GABRB1: variants seen among roughly 807,000 people sequenced by gnomAD.
GABRB1 encodes gamma-aminobutyric acid receptor subunit beta-1.
Under a neutral mutation model 51.6 loss-of-function variants are expected in GABRB1, and 17 were observed. The ratio of observed to expected loss-of-function variants is 0.33; its 90% CI spans 0.23 to 0.49. GABRB1 has a LOEUF of 0.49. GABRB1 is among the 20% of genes least tolerant of loss of function. The pLI is 0.99. For synonymous variants in GABRB1, 247 were observed against 218.9 expected (o/e 1.13, Z -1.14); for missense variants, 410 against 600.6 (o/e 0.68, Z 3.32).
At chr4:47,068,490 T>C (rs1324440639) in intron 3 of GABRB1, among the ~76,000 whole-genome samples, 1 of 152,334 alleles carries the variant, frequency 6.6e-6, no homozygotes, top group East Asian at 1.9e-4. Context: ...TTCAACTCTT[T>C]CTTTTACTTG....
intron 5 of GABRB1, among the ~76,000 whole-genome samples, chr4:47,367,415 T>G (rs1301703716): frequency 6.6e-6 from 1 of 152,222 alleles, no homozygotes; most frequent in East Asian, 1.9e-4. Flanking sequence ...TCAAAGCTTA[T>G]TCTATCCTCC....
chr4:47,164,373 T>A (rs553553697), intron 4 of GABRB1, among the ~76,000 whole-genome samples: 106 of 152,228 alleles, frequency 7.0e-4, no homozygotes, highest in African/African-American at 2.3e-3. Flanking sequence ...TTTTAAAGAA[T>A]ATCTGTTGTC....
intron 3 of GABRB1, among the ~76,000 whole-genome samples, chr4:47,038,755 A>T (rs1234351886): frequency 6.6e-6 from 1 of 152,234 alleles, no homozygotes; most frequent in Non-Finnish European, 1.5e-5. Flanking sequence ...GAAATCTTGC[A>T]TTATCAAGGA....
At chr4:47,172,136 G>A (rs1560570200) in intron 4 of GABRB1, among the ~76,000 whole-genome samples, 1 of 152,064 alleles carries the variant, frequency 6.6e-6, no homozygotes, top group African/African-American at 2.4e-5. Context: ...GGATTACGCA[G>A]CATCCCATCA....
chr4:47,054,122 G>A (rs1458499956), intron 3 of GABRB1, among the ~76,000 whole-genome samples: 1 of 149,050 alleles, frequency 6.7e-6, no homozygotes, highest in Non-Finnish European at 1.5e-5. Context: ...CATATTTTAA[G>A]AAGATGTAAG....
chr4:47,121,060 C>T (rs1397850416), intron 3 of GABRB1, among the ~76,000 whole-genome samples: 9 of 152,114 alleles, frequency 5.9e-5, no homozygotes, highest in Non-Finnish European at 1.3e-4. Flanking sequence ...GTAACTTAGA[C>T]TACCATTCAA....
chr4:47,378,332 C>G (rs893913283), intron 5 of GABRB1, among the ~76,000 whole-genome samples: 2 of 152,312 alleles, frequency 1.3e-5, no homozygotes, highest in East Asian at 1.9e-4. Flanking sequence ...CCGGCAGGGC[C>G]GGCCGGCCGC....
intron 3 of GABRB1, among the ~76,000 whole-genome samples, chr4:47,120,123 G>A (rs1339739902): frequency 6.6e-6 from 1 of 152,024 alleles, no homozygotes; most frequent in East Asian, 1.9e-4. Flanking sequence ...AGACAAAAAA[G>A]TTAATTATAT....
At chr4:47,415,303 C>T (rs1278371608) in intron 8 of GABRB1, among the ~76,000 whole-genome samples, 1 of 152,134 alleles carries the variant, frequency 6.6e-6, no homozygotes, top group East Asian at 1.9e-4. Context: ...TTCCAGGTGT[C>T]CAAACAATTT....
In GABRB1 at chr4:47,321,999, A is replaced by G. The variant is rs537651686; in HGVS notation, c.544+1790A>G. The stretch of plus-strand genomic sequence containing the variant: ...TACTGAGTTTTTCTATTATAGGTTG[A>G]TATTTTTCTTTAAGTTTGAAGATTT... On this transcript the variant is annotated intron_variant, in intron 5 of 8. Coordinates refer to ENST00000295454, the MANE Select transcript of GABRB1 (RefSeq NM_000812.4). Among the ~76,000 whole-genome samples the G allele has an allele frequency of 7.9e-5, 12 of 152,320 alleles. No homozygotes were observed. The South Asian group carries it at 2.5e-3, about 32-fold the overall frequency.
intron 3 of GABRB1, among the ~76,000 whole-genome samples, chr4:47,047,827 T>C (rs868026662): frequency 1.1e-4 from 16 of 152,234 alleles, no homozygotes; most frequent in Middle Eastern, 3.4e-3. Context: ...GAAGAGATAA[T>C]GGATTTGTCC....
At chr4:47,295,271 G>A (rs974192464) in intron 4 of GABRB1, among the ~76,000 whole-genome samples, 75 of 152,220 alleles carry the variant, frequency 4.9e-4, no homozygotes, top group African/African-American at 1.6e-3. Context: ...TGACTTTGAC[G>A]AGTTGAGAGG....
chr4:47,262,461 C>T (rs1337050514), intron 4 of GABRB1, among the ~76,000 whole-genome samples: 2 of 152,108 alleles, frequency 1.3e-5, no homozygotes, highest in Non-Finnish European at 2.9e-5. Context: ...CATCACTGGC[C>T]ATCAGAGAAA....
chr4:47,292,180 C>T (rs1295873972), intron 4 of GABRB1, among the ~76,000 whole-genome samples: 3 of 152,100 alleles, frequency 2.0e-5, no homozygotes, highest in Non-Finnish European at 4.4e-5. Context: ...ATCTGATGGT[C>T]ATTACAAGAG....
chr4:47,115,643 G>A (rs748319168), intron 3 of GABRB1, among the ~76,000 whole-genome samples: 21 of 151,852 alleles, frequency 1.4e-4, no homozygotes, highest in Non-Finnish European at 2.5e-4. Flanking sequence ...AAGCTCTTCT[G>A]CTTTTTTAAT....
chr4:47,101,926 T>C (rs1032885957), intron 3 of GABRB1, among the ~76,000 whole-genome samples: 2 of 152,050 alleles, frequency 1.3e-5, no homozygotes, highest in Non-Finnish European at 2.9e-5. Flanking sequence ...AATGCCTTTT[T>C]ACAAAAGCGC....
chr4:47,004,323 A>G (rs923198164), intron 1 of GABRB1, among the ~76,000 whole-genome samples: 1 of 152,158 alleles, frequency 6.6e-6, no homozygotes, highest in East Asian at 1.9e-4. Flanking sequence ...AAAGTTCTTT[A>G]ATTTTTCCCA....
intron 4 of GABRB1, among the ~76,000 whole-genome samples, chr4:47,312,418 C>T (rs1433353443): frequency 1.1e-5 from 1 of 92,462 alleles, no homozygotes; most frequent in Non-Finnish European, 2.2e-5. Flanking sequence ...TGAGTATTAG[C>T]TGCAAAAAAT....
intron 5 of GABRB1, among the ~76,000 whole-genome samples, chr4:47,330,189 T>C (rs1725426981): frequency 6.6e-6 from 1 of 152,196 alleles, no homozygotes; most frequent in Non-Finnish European, 1.5e-5. Flanking sequence ...GGCCTTCAAC[T>C]GGTTGGATGA....
Sources: allele counts gnomAD v4.1 joint callset (sites outside exome capture counted in the v4.1 genomes callset), GRCh38; gene constraint gnomAD v4.1.1; transcripts MANE v1.5; gene names NCBI Gene and HGNC (gene_info 2026-07-23, HGNC 2026-07-21).